The following PHF10 variants were observed in gnomAD, a reference collection of about 807,000 sequenced individuals.
The protein encoded by PHF10 is BRG1-associated factor 45a.
In PHF10, 51 loss-of-function variants were observed where a neutral mutation model predicts 68.5. The observed-to-expected ratio is 0.74, with a 90% CI of 0.59 to 0.94. The LOEUF (loss-of-function observed/expected upper bound fraction) is 0.94, where lower values mean the gene tolerates loss of function less well. Ranked by LOEUF, PHF10 falls within the 40% of genes least tolerant of loss-of-function variation. PHF10 has a pLI of 0.00. For synonymous variants in PHF10, 204 were observed against 203.5 expected (o/e 1.00, Z -0.02); for missense variants, 460 against 602.6 (o/e 0.76, Z 2.48).
At position 169,722,097 on chromosome 6, in the gene PHF10, T is replaced by C. The variant is rs892410167; in HGVS notation, c.88-986A>G. ...CCCCATTACATGGCTAATTCAATGA[T>C]TAAACGAGCTACTATATTAAAAGTA... On this transcript the variant is annotated intron_variant, in intron 1 of 11. Coordinates refer to ENST00000339209, the MANE Select transcript of PHF10 (RefSeq NM_018288.4). Among the ~76,000 whole-genome samples, 3 of 152,202 alleles carry C rather than the reference T, an allele frequency of 2.0e-5. 1 individual carries two copies. The highest frequency in any genetic ancestry group is 4.1e-4 in the South Asian group (2 of 4,832).
intron 8 of PHF10, among the ~76,000 whole-genome samples, chr6:169,710,671 T>C (rs1348397636): frequency 6.6e-6 from 1 of 152,194 alleles, no homozygotes; most frequent in Non-Finnish European, 1.5e-5. Context: ...AACACAATTA[T>C]CCGCTTCAGC....
chr6:169,720,925 G>A, intron 2 of PHF10, 80 bp downstream of exon 2: 1 of 713,926 alleles, frequency 1.4e-6, no homozygotes, highest in South Asian at 1.8e-5. Flanking sequence ...GCCTTTGCCA[G>A]AGCTGGGGGA....
chr6:169,717,539 G>A (rs1433706682), intron 4 of PHF10, among the ~76,000 whole-genome samples: 3 of 152,134 alleles, frequency 2.0e-5, no homozygotes, highest in Non-Finnish European at 4.4e-5. Context: ...CAAGTGAAAA[G>A]AATAATGGTT....
chr6:169,716,123 C>T (rs907799225), intron 4 of PHF10, 35 bp from the exon 5 acceptor site: 19 of 1,458,658 alleles, frequency 1.3e-5, no homozygotes, highest in South Asian at 1.1e-4. Context: ...AATAAAGAAG[C>T]TCTTTTAAGG....
chr6:169,721,739 T>A (rs935298507), intron 1 of PHF10, among the ~76,000 whole-genome samples: 2 of 152,070 alleles, frequency 1.3e-5, no homozygotes, highest in Non-Finnish European at 2.9e-5. Flanking sequence ...AACATCAAGG[T>A]TATAAATTCA....
At chr6:169,706,407 ACAAG>A (rs1039695544) in intron 9 of PHF10, among the ~76,000 whole-genome samples, 1 of 152,190 alleles carries the variant, frequency 6.6e-6, no homozygotes, top group African/African-American at 2.4e-5. Flanking sequence ...AAGTTTTCAG[ACAAG>A]CAAAAAAAAA....
Position 169,705,322 on chromosome 6 carries a change from C to A in PHF10, c.1223-1G>T. The A allele has an allele frequency of 1.3e-6, 2 of 1,599,676 alleles. No individual in the cohort carries two copies. Among genetic ancestry groups the A allele is most frequent in the Non-Finnish European group, 1.7e-6 (2 of 1,172,392 alleles). On this transcript the variant is annotated splice_acceptor_variant, in intron 10 of 11. Transcript: ENST00000339209. LOFTEE classifies it high-confidence loss of function. ...GTCATATCCAGGCAAGAAGGATGGC[C>A]TAAATCAAAACCAGTATTAGTGGTA...
chr6:169,706,905 G>A (rs561170896), intron 9 of PHF10: 52 of 152,142 alleles, frequency 3.4e-4, no homozygotes, highest in African/African-American at 1.2e-3. Context: ...AAACTCAAAC[G>A]TTGTATATAT....
rs1164040289 is a variant in PHF10, at chr6:169,723,525, ACT to A, written c.87+318_87+319del. 2.0e-5 allele frequency among the ~76,000 whole-genome samples: 3 copies of A among 152,254 alleles called. No individual in the cohort carries two copies. In the East Asian group the frequency reaches 5.8e-4, roughly 30 times the overall value. ...GCTTCTGCAGGCCCCTCCGAGGCCA[ACT>A]CTCTCGGCCCCGGGCGCGTTCCGTC... is the stretch of plus-strand genomic sequence containing the variant. On this transcript the variant is annotated intron_variant, in intron 1 of 11. Transcript: ENST00000339209.
intron 4 of PHF10, among the ~76,000 whole-genome samples, chr6:169,717,363 G>A (rs576993813): frequency 3.3e-5 from 5 of 152,292 alleles, no homozygotes; most frequent in Middle Eastern, 3.4e-3. Flanking sequence ...ATCCTAAAAA[G>A]TAAAAGCATT....
chr6:169,710,009 TAAATTGTACATATACAGA>T lies in PHF10; in HGVS notation c.1113+209_1113+226del, dbSNP rs1788890257. ...TCTTTCAAAGAAAAAAAAAGACTTA[TAAATTGTACATATACAGA>T]AAACAGAAGGTAAACCATAGCCAAA... is the stretch of plus-strand genomic sequence containing the variant. On this transcript the variant is annotated intron_variant, in intron 9 of 11. Transcript: ENST00000339209. 1.5e-5 allele frequency: 5 copies of T among 329,010 alleles called. No individual in the cohort carries two copies. In the South Asian group the frequency reaches 5.4e-4, roughly 36 times the overall value. The allele number at this position is 329,010 out of a possible 1,614,324, so 20.4% of individuals were successfully genotyped here. A position where few individuals can be genotyped will look rare whatever the true frequency, so the allele number is the denominator to read the frequency against.
Position 169,703,988 on chromosome 6 carries a change from G to A in PHF10, c.*15C>T, listed in dbSNP as rs1788662085. 6.3e-7 allele frequency: 1 copy of A among 1,576,408 alleles called. No homozygotes were observed. Among genetic ancestry groups the A allele is most frequent in the Non-Finnish European group, 8.6e-7 (1 of 1,156,536 alleles). ...CCACTTAAATGCATATACAGTATTA[G>A]AGTCAAAAACTATTTTATCCCTCTT... is the stretch of plus-strand genomic sequence containing the variant. On this transcript the variant is annotated 3_prime_UTR_variant, in exon 12 of 12. Coordinates refer to ENST00000339209, the MANE Select transcript of PHF10 (RefSeq NM_018288.4).
At chr6:169,722,844 G>A (rs576692627) in intron 1 of PHF10, among the ~76,000 whole-genome samples, 1 of 152,298 alleles carries the variant, frequency 6.6e-6, no homozygotes, top group South Asian at 2.1e-4. Context: ...GGGCTCAGGG[G>A]TCAAGAATGC....
intron 1 of PHF10, among the ~76,000 whole-genome samples, chr6:169,723,345 C>T (rs994750963): frequency 2.0e-5 from 3 of 152,228 alleles, no homozygotes; most frequent in African/African-American, 7.2e-5. Context: ...AACAGACTTC[C>T]GCTGAAAACA....
In PHF10 at chr6:169,712,394, CT is replaced by C; in HGVS notation, c.948del (p.Gly317AlafsTer68). 6.2e-7 allele frequency: 1 copy of C among 1,613,778 alleles called. No homozygotes were observed. Among genetic ancestry groups the C allele is most frequent in the Non-Finnish European group, 8.5e-7 (1 of 1,179,740 alleles). ...GAGAGAAATGTTCTCACCGAAGTGC[CT>C]TTATTTTTCCGTTTCTCATCACCTC... ...DGRGDEKRKNKGTSDSSSGNV... is the reference protein window; with the variant it reads ...DGRGDEKRKNXGTSDSSSGNV... On this transcript the variant is annotated frameshift_variant, in exon 8 of 12. Transcript: ENST00000339209. LOFTEE classifies it high-confidence loss of function.
At chr6:169,717,779 T>C in intron 4 of PHF10, 44 bp downstream of exon 4, 2 of 825,156 alleles carry the variant, frequency 2.4e-6, no homozygotes, top group Non-Finnish European at 2.0e-6. Context: ...TATTATCTCA[T>C]AAATGTTCAG....
intron 2 of PHF10, 76 bp downstream of exon 2, chr6:169,720,929 T>G: frequency 2.8e-6 from 2 of 725,972 alleles, no homozygotes; most frequent in Non-Finnish European, 4.7e-6. Context: ...TTGCCAGAGC[T>G]GGGGGAAAGG....
At chr6:169,713,897 G>A (rs970192154) in intron 7 of PHF10, among the ~76,000 whole-genome samples, 1 of 152,172 alleles carries the variant, frequency 6.6e-6, no homozygotes, top group Non-Finnish European at 1.5e-5. Flanking sequence ...GCCAAGGTGG[G>A]CGGATCACTA....
intron 1 of PHF10, among the ~76,000 whole-genome samples, chr6:169,722,424 AT>A (rs1024289511): frequency 7.9e-5 from 12 of 152,326 alleles, no homozygotes; most frequent in African/African-American, 2.9e-4. Flanking sequence ...ACTGGTGAGC[AT>A]TTTAAGGATT....
Sources: gnomAD v4.1 joint callset for allele counts (sites outside exome capture counted in the v4.1 genomes callset) on GRCh38, gnomAD v4.1.1 for gene constraint, MANE v1.5 for transcripts, NCBI Gene and HGNC (gene_info 2026-07-23, HGNC 2026-07-21) for gene names.